The following IL1RAPL2 variants were observed in gnomAD, a reference collection of about 807,000 sequenced individuals.
IL1RAPL2 encodes the protein X-linked interleukin-1 receptor accessory protein-like 2.
IL1RAPL2 carries 3 observed loss-of-function variants against 44.1 expected under a neutral mutation model. The ratio of observed to expected loss-of-function variants is 0.07; its 90% CI spans 0.03 to 0.18. IL1RAPL2 has a LOEUF of 0.18. IL1RAPL2 is among the 10% of genes least tolerant of loss of function. IL1RAPL2 has a pLI of 1.00. For synonymous variants in IL1RAPL2, 181 were observed against 178.8 expected (o/e 1.01, Z -0.10); for missense variants, 391 against 496.4 (o/e 0.79, Z 2.02).
intron 2 of IL1RAPL2, among the ~76,000 whole-genome samples, chrX:104,717,759 C>G (rs867984972): frequency 3.1e-4 from 34 of 109,188 alleles, no homozygotes; most frequent in Admixed American, 2.7e-3. Flanking sequence ...TATCTCCCCC[C>G]CCCACCCCAC....
intron 5 of IL1RAPL2, among the ~76,000 whole-genome samples, chrX:105,330,250 AGC>A (rs2034975637): frequency 9.0e-6 from 1 of 111,332 alleles, no homozygotes; most frequent in South Asian, 3.8e-4. Context: ...TGACATTTAG[AGC>A]CAGGTCAACC....
intron 5 of IL1RAPL2, among the ~76,000 whole-genome samples, chrX:105,302,963 A>T (rs1359142910): frequency 8.9e-6 from 1 of 111,834 alleles, no homozygotes; most frequent in Non-Finnish European, 1.9e-5. Context: ...GCTTGTCTAA[A>T]TGCCCCTTCC....
At chrX:105,125,714 G>A (rs893787595) in intron 2 of IL1RAPL2, among the ~76,000 whole-genome samples, 22 of 110,040 alleles carry the variant, frequency 2.0e-4, no homozygotes, top group Non-Finnish European at 3.3e-4. Flanking sequence ...TTTCTTCAAC[G>A]AACTCATATC....
At chrX:104,582,544 T>A (rs1928372355) in intron 1 of IL1RAPL2, among the ~76,000 whole-genome samples, 1 of 106,325 alleles carries the variant, frequency 9.4e-6, no homozygotes, top group African/African-American at 3.5e-5. Flanking sequence ...CTTTCCTTCC[T>A]TCCTCCCCTT....
At chrX:104,843,183 C>T (rs1204966833) in intron 2 of IL1RAPL2, among the ~76,000 whole-genome samples, 2 of 111,956 alleles carry the variant, frequency 1.8e-5, no homozygotes, top group Admixed American at 9.4e-5. Flanking sequence ...CAGTCCAAAC[C>T]TCCCAGTCTC....
At chrX:105,533,575 C>T (rs1050174838) in intron 6 of IL1RAPL2, among the ~76,000 whole-genome samples, 1 of 112,017 alleles carries the variant, frequency 8.9e-6, no homozygotes, top group African/African-American at 3.2e-5. Context: ...CACGAGGCTC[C>T]CTCAAAGACC....
intron 6 of IL1RAPL2, among the ~76,000 whole-genome samples, chrX:105,543,988 T>G (rs1420565734): frequency 8.9e-6 from 1 of 111,972 alleles, no homozygotes; most frequent in Non-Finnish European, 1.9e-5. Flanking sequence ...TTGCGTTGAC[T>G]TTTTAAATCA....
At chrX:104,586,752 G>T (rs1010788309) in intron 1 of IL1RAPL2, among the ~76,000 whole-genome samples, 2 of 111,763 alleles carry the variant, frequency 1.8e-5, no homozygotes, top group Non-Finnish European at 3.8e-5. Context: ...TTTGTGAAAG[G>T]CCTCCCACTT....
chrX:104,607,115 C>A lies in IL1RAPL2; in HGVS notation c.-20+40064C>A, dbSNP rs57874182. ...CTACAACCATCTGATCTTTGACAAA[C>A]CTGACACAAACCAGCAATGGGGAAA... On this transcript the variant is annotated intron_variant, in intron 1 of 10. Coordinates refer to ENST00000372582, the MANE Select transcript of IL1RAPL2 (RefSeq NM_017416.2). 0.014 allele frequency among the ~76,000 whole-genome samples: 1,520 copies of A among 111,851 alleles called. 69 individuals carry two copies. In the East Asian group the frequency reaches 0.14, roughly 11 times the overall value.
intron 3 of IL1RAPL2, among the ~76,000 whole-genome samples, chrX:105,224,138 C>T (rs782417846): frequency 3.6e-5 from 4 of 110,190 alleles, no homozygotes; most frequent in South Asian, 3.9e-4. Context: ...GAAGGAATCC[C>T]GAGGTCTTGG....
intron 2 of IL1RAPL2, among the ~76,000 whole-genome samples, chrX:104,942,474 A>C (rs1184523812): frequency 9.0e-6 from 1 of 110,751 alleles, no homozygotes; most frequent in Non-Finnish European, 1.9e-5. Context: ...TGTGAATGGG[A>C]GTTCACTCAT....
intron 9 of IL1RAPL2, among the ~76,000 whole-genome samples, chrX:105,752,734 T>C (rs1157784405): frequency 1.8e-5 from 2 of 112,341 alleles, no homozygotes; most frequent in African/African-American, 6.5e-5. Context: ...GCTGCAGCTA[T>C]TCATGAGGTT....
At chrX:105,537,623 A>G (rs2036687312) in intron 6 of IL1RAPL2, among the ~76,000 whole-genome samples, 1 of 111,872 alleles carries the variant, frequency 8.9e-6, no homozygotes, top group African/African-American at 3.3e-5. Context: ...TTCCAGCTCA[A>G]CTACCTACCA....
chrX:104,647,797 G>A (rs1930073576), intron 1 of IL1RAPL2: 2 of 539,660 alleles, frequency 3.7e-6, no homozygotes, highest in East Asian at 6.7e-5. Context: ...GAGAATGGCA[G>A]TCAAAGATAA....
At chrX:105,396,354 G>A (rs190621411) in intron 5 of IL1RAPL2, among the ~76,000 whole-genome samples, 52 of 105,852 alleles carry the variant, frequency 4.9e-4, no homozygotes, top group East Asian at 1.5e-3. Context: ...ATGACTTTAC[G>A]GTAATCAGGT....
intron 5 of IL1RAPL2, among the ~76,000 whole-genome samples, chrX:105,274,007 A>T (rs949011241): frequency 8.9e-6 from 1 of 112,075 alleles, no homozygotes; most frequent in African/African-American, 3.2e-5. Context: ...TCTCAGATGT[A>T]GCTTTTTAAT....
chrX:105,070,674 A>G (rs2032194610), intron 2 of IL1RAPL2, among the ~76,000 whole-genome samples: 1 of 110,369 alleles, frequency 9.1e-6, no homozygotes, highest in Non-Finnish European at 1.9e-5. Flanking sequence ...AGCCTGGGCA[A>G]CAGAGTAAGA....
At chrX:105,530,708 C>A (rs996870889) in intron 6 of IL1RAPL2, among the ~76,000 whole-genome samples, 31 of 108,929 alleles carry the variant, frequency 2.8e-4, no homozygotes, top group African/African-American at 1.0e-3. Flanking sequence ...TACACATTAG[C>A]CATCCCTTCC....
intron 2 of IL1RAPL2, among the ~76,000 whole-genome samples, chrX:104,677,195 T>G (rs763130221): frequency 8.9e-6 from 1 of 112,010 alleles, no homozygotes; most frequent in African/African-American, 3.2e-5. Flanking sequence ...GTTCCCAGTT[T>G]TCCTGTTCTG....
Sources: allele counts gnomAD v4.1 joint callset (sites outside exome capture counted in the v4.1 genomes callset), GRCh38; gene constraint gnomAD v4.1.1; transcripts MANE v1.5; gene names NCBI Gene and HGNC (gene_info 2026-07-23, HGNC 2026-07-21).